PPARG: variants seen among roughly 807,000 people sequenced by gnomAD.
PPARG encodes the protein peroxisome proliferator activated receptor gamma.
In PPARG, 17 loss-of-function variants were observed where a neutral mutation model predicts 39.2. The observed-to-expected ratio is 0.43, with a 90% CI of 0.30 to 0.65. PPARG has a LOEUF of 0.65. Among genes scored for constraint, PPARG ranks in the 30% least tolerant of loss-of-function variants. The pLI is 0.13. For missense variants in PPARG, 406 were observed against 585.9 expected, an observed-to-expected ratio of 0.69 and a Z score of 3.17; for synonymous variants, 223 against 215.7, an observed-to-expected ratio of 1.03 and a Z score of -0.30.
intron 5 of PPARG, among the ~76,000 whole-genome samples, chr3:12,403,815 A>C (rs1308958573): frequency 2.0e-5 from 3 of 152,210 alleles, no homozygotes; most frequent in African/African-American, 4.8e-5. Flanking sequence ...GGAATATGCT[A>C]TCTGGGGTTT....
At chr3:12,305,101 C>T (rs183605182) in intron 1 of PPARG, among the ~76,000 whole-genome samples, 126 of 152,136 alleles carry the variant, frequency 8.3e-4, no homozygotes, top group Non-Finnish European at 1.5e-3. Flanking sequence ...CCCTTCTCCC[C>T]TTTTTCGTTC....
chr3:12,421,703 A>G (rs1366713789), intron 7 of PPARG, among the ~76,000 whole-genome samples: 1 of 152,156 alleles, frequency 6.6e-6, no homozygotes, highest in Non-Finnish European at 1.5e-5. Flanking sequence ...TTCAAGGCAA[A>G]TTGCCATCGC....
intron 7 of PPARG, among the ~76,000 whole-genome samples, chr3:12,419,429 A>G (rs2051186878): frequency 6.6e-6 from 1 of 152,140 alleles, no homozygotes; most frequent in Non-Finnish European, 1.5e-5. Context: ...ACCAGATTAG[A>G]AAAACAGTTG....
intron 1 of PPARG, among the ~76,000 whole-genome samples, chr3:12,311,725 C>A (rs1189291600): frequency 4.6e-5 from 7 of 151,978 alleles, no homozygotes; most frequent in Admixed American, 4.6e-4. Context: ...ATTCTAGGAT[C>A]CTTGAGCCTT....
At chr3:12,324,962 G>A (rs2047650014) in intron 2 of PPARG, among the ~76,000 whole-genome samples, 1 of 152,120 alleles carries the variant, frequency 6.6e-6, no homozygotes, top group African/African-American at 2.4e-5. Context: ...ATGAATGAAA[G>A]TTTGAATTGC....
At chr3:12,395,147 A>G (rs945554871) in intron 5 of PPARG, among the ~76,000 whole-genome samples, 2 of 152,200 alleles carry the variant, frequency 1.3e-5, no homozygotes, top group Non-Finnish European at 2.9e-5. Context: ...AGTGATCACC[A>G]TGTCCTTTCA....
intron 5 of PPARG, chr3:12,399,478 T>C (rs1192886437): frequency 4.5e-6 from 2 of 440,712 alleles, no homozygotes; most frequent in African/African-American, 2.0e-5. Context: ...TCCCAGCTAC[T>C]CAGGAGGCTG....
chr3:12,309,545 A>G (rs1370651352), intron 1 of PPARG, among the ~76,000 whole-genome samples: 2 of 152,222 alleles, frequency 1.3e-5, no homozygotes, highest in African/African-American at 2.4e-5. Flanking sequence ...ACACTCCAGA[A>G]AAGTTAATTA....
At chr3:12,358,285 A>G (rs547903279) in intron 2 of PPARG, among the ~76,000 whole-genome samples, 1 of 152,196 alleles carries the variant, frequency 6.6e-6, no homozygotes, top group Admixed American at 6.5e-5. Context: ...ATTTGCTAGC[A>G]ATGTTTAAAA....
At chr3:12,381,595 T>A in intron 4 of PPARG, 104 bp downstream of exon 4, 1 of 1,207,664 alleles carries the variant, frequency 8.3e-7, no homozygotes, top group Non-Finnish European at 1.2e-6. Flanking sequence ...TTTTTCTTCA[T>A]GGAAGAGTAT....
rs1291751364 is a variant in PPARG, at chr3:12,289,125, C to CT, written c.-89dup. 1 of 152,224 alleles carries CT rather than the reference C, an allele frequency of 6.6e-6. No homozygotes were observed. Among genetic ancestry groups the CT allele is most frequent in the African/African-American group, 2.4e-5 (1 of 41,452 alleles). The allele number at this position is 152,224 out of a possible 1,614,324, so 9.4% of individuals were successfully genotyped here. ...GCATTTCTGCATTCTGCTTAATTCC[C>CT]TTTCCTTAGGTGAGTTGGCTCACTC... On this transcript the variant is annotated 5_prime_UTR_variant, in exon 1 of 8. Transcript: ENST00000651735.
intron 4 of PPARG, among the ~76,000 whole-genome samples, chr3:12,382,186 A>G (rs1038535327): frequency 1.3e-5 from 2 of 152,128 alleles, no homozygotes; most frequent in African/African-American, 2.4e-5. Context: ...TCCTTATTCC[A>G]GCATCAATGT....
At chr3:12,367,906 A>G (rs1400517252) in intron 2 of PPARG, among the ~76,000 whole-genome samples, 1 of 151,538 alleles carries the variant, frequency 6.6e-6, no homozygotes, top group Non-Finnish European at 1.5e-5. Flanking sequence ...ATAAAATATA[A>G]TAAAAAACAT....
Position 12,351,620 on chromosome 3 carries a change from A to G in PPARG, c.-8-28084A>G, listed in dbSNP as rs776891749. Reference sequence around the variant, plus strand: ...GGGTGAAACTCTGGGAGATTCTCCTATTGACCCAGAAAGCGATTCCTTCAC... The same window carrying G: ...GGGTGAAACTCTGGGAGATTCTCCTGTTGACCCAGAAAGCGATTCCTTCAC... On this transcript the variant is annotated intron_variant, in intron 2 of 7. Transcript: ENST00000651735. The G allele has an allele frequency of 9.9e-6, 16 of 1,610,906 alleles. No homozygotes were observed. The highest frequency in any genetic ancestry group is 2.2e-5 in the East Asian group (1 of 44,872).
Position 12,368,492 on chromosome 3 carries a change from T to G in PPARG, c.-8-11212T>G, listed in dbSNP as rs2085070894. Reference sequence around the variant, plus strand: ...CCACCACGCCCAGCCTCTAATCATTTTCTTAATTCATGGTGCCCAAAATAA... The same window carrying G: ...CCACCACGCCCAGCCTCTAATCATTGTCTTAATTCATGGTGCCCAAAATAA... On this transcript the variant is annotated intron_variant, in intron 2 of 7. Transcript: ENST00000651735. 2.6e-5 allele frequency among the ~76,000 whole-genome samples: 4 copies of G among 152,146 alleles called. No individual in the cohort carries two copies. The South Asian group carries it at 8.3e-4, about 31-fold the overall frequency.
intron 7 of PPARG, among the ~76,000 whole-genome samples, chr3:12,419,476 A>T (rs908597010): frequency 6.6e-6 from 1 of 151,782 alleles, no homozygotes; most frequent in African/African-American, 2.4e-5. Flanking sequence ...ACTTCATTTT[A>T]TTTTATTTTA....
intron 2 of PPARG, among the ~76,000 whole-genome samples, chr3:12,360,600 C>G (rs968299650): frequency 6.9e-6 from 1 of 145,910 alleles, no homozygotes; most frequent in Non-Finnish European, 1.5e-5. Flanking sequence ...CAGAACAATA[C>G]CAGCACTCCA....
intron 2 of PPARG, among the ~76,000 whole-genome samples, chr3:12,358,644 T>C (rs1198308479): frequency 6.6e-6 from 1 of 152,184 alleles, no homozygotes; most frequent in Non-Finnish European, 1.5e-5. Context: ...GTTTGCTTAG[T>C]GGATTAAAAT....
chr3:12,307,297 T>C (rs188163765), intron 1 of PPARG, among the ~76,000 whole-genome samples: 216 of 152,248 alleles, frequency 1.4e-3, no homozygotes, highest in Non-Finnish European at 2.6e-3. Context: ...TGGCCTCTAA[T>C]TGAATCAGTC....
Sources: gnomAD v4.1 joint callset for allele counts (sites outside exome capture counted in the v4.1 genomes callset) on GRCh38, gnomAD v4.1.1 for gene constraint, MANE v1.5 for transcripts, NCBI Gene and HGNC (gene_info 2026-07-23, HGNC 2026-07-21) for gene names.